The following RAD18 variants were observed in gnomAD, a reference collection of about 807,000 sequenced individuals.
RAD18 encodes E3 ubiquitin-protein ligase RAD18.
In RAD18, 47 loss-of-function variants were observed where a neutral mutation model predicts 60.4. The observed-to-expected ratio is 0.78, with a 90% CI of 0.62 to 0.99. RAD18 has a LOEUF of 0.99. Ranked by LOEUF, RAD18 falls within the 50% of genes least tolerant of loss-of-function variation. RAD18 has a pLI of 0.00. For synonymous variants in RAD18, 225 were observed against 195.5 expected, an observed-to-expected ratio of 1.15 and a Z score of -1.26; for missense variants, 640 against 593.3, an observed-to-expected ratio of 1.08 and a Z score of -0.82.
At chr3:8,928,717 A>T (rs648121) in intron 7 of RAD18, among the ~76,000 whole-genome samples, 105,141 of 152,062 alleles carry the variant, frequency 0.69, 36,895 homozygotes, top group Middle Eastern at 0.77. Flanking sequence ...AGTAAACAGA[A>T]TATCAGCAAG....
rs770692918 is a variant in RAD18, at chr3:8,941,521, C to T, written c.550G>A (p.Glu184Lys). 1 of 1,613,994 alleles carries T rather than the reference C, an allele frequency of 6.2e-7. No homozygotes were observed. Among genetic ancestry groups the T allele is most frequent in the Non-Finnish European group, 8.5e-7 (1 of 1,179,938 alleles). The change falls in exon 5 of 13, where the codon GAG becomes AAG. Residue 184 changes from glutamate to lysine, a missense_variant. By Grantham distance (56) the Glu-to-Lys change is moderately conservative. Coordinates refer to ENST00000264926, the MANE Select transcript of RAD18 (RefSeq NM_020165.4). Reference protein sequence around the residue: ...SVEEIAPDPSEAKRPEPPSTS... With the variant: ...SVEEIAPDPSKAKRPEPPSTS... The stretch of plus-strand genomic sequence containing the variant: ...GAGGGTGGCTCAGGACGCTTAGCCT[C>T]TGAGGGATCTGGAGCGATCTCTTCT...
At chr3:8,924,446 C>A (rs547376496) in intron 7 of RAD18, among the ~76,000 whole-genome samples, 98 of 143,280 alleles carry the variant, frequency 6.8e-4, no homozygotes, top group African/African-American at 2.5e-3. Flanking sequence ...GACTTAGACT[C>A]CCACACAATA....
intron 7 of RAD18, among the ~76,000 whole-genome samples, chr3:8,916,024 G>A (rs1189541789): frequency 2.0e-5 from 3 of 152,154 alleles, no homozygotes; most frequent in East Asian, 1.9e-4. Flanking sequence ...CCCACTGCAG[G>A]ATGGACATGA....
chr3:8,903,854 C>G (rs1430660852), intron 9 of RAD18, among the ~76,000 whole-genome samples: 2 of 152,154 alleles, frequency 1.3e-5, no homozygotes, highest in Non-Finnish European at 2.9e-5. Context: ...CTTGTTATCA[C>G]TTGGTTTCTT....
At chr3:8,955,925 G>C (rs1162628404) in intron 2 of RAD18, among the ~76,000 whole-genome samples, 3 of 152,092 alleles carry the variant, frequency 2.0e-5, no homozygotes, top group Non-Finnish European at 1.5e-5. Context: ...AGGTAGTACT[G>C]AATCCTATTT....
chr3:8,898,994 C>T lies in RAD18; in HGVS notation c.1222G>A (p.Asp408Asn). The T allele has an allele frequency of 1.2e-6, 2 of 1,608,530 alleles. No homozygotes were observed. Among genetic ancestry groups the T allele is most frequent in the Non-Finnish European group, 1.7e-6 (2 of 1,176,638 alleles). Residue 408 changes from aspartate to asparagine, a missense_variant, in exon 11 of 13, where the codon GAC (aspartate) becomes AAC (asparagine). Coordinates refer to ENST00000264926, the MANE Select transcript of RAD18 (RefSeq NM_020165.4). Reference sequence around the variant, plus strand: ...TCAGGTTCCAATTCCTCTGGGGAGTCCAGCTTTGATTGAGAAAAGTGGTTT... The same window carrying T: ...TCAGGTTCCAATTCCTCTGGGGAGTTCAGCTTTGATTGAGAAAAGTGGTTT... ...VTNHFSQSKL[D>N]SPEELEPDRE... is the part of the protein sequence containing the mutation.
At chr3:8,946,408 C>G (rs1230221101) in intron 4 of RAD18, among the ~76,000 whole-genome samples, 1 of 152,218 alleles carries the variant, frequency 6.6e-6, no homozygotes. Context: ...TGACACATTT[C>G]TCAGAACACA....
chr3:8,924,165 T>C, intron 7 of RAD18, among the ~76,000 whole-genome samples: 1 of 151,702 alleles, frequency 6.6e-6, no homozygotes, highest in African/African-American at 2.4e-5. Context: ...TTCAGGAAAC[T>C]CATCTCACAT....
At chr3:8,928,361 C>T (rs1159175966) in intron 7 of RAD18, among the ~76,000 whole-genome samples, 2 of 151,976 alleles carry the variant, frequency 1.3e-5, no homozygotes, top group Non-Finnish European at 2.9e-5. Context: ...ATAGTTTAAA[C>T]CCTACAATTT....
chr3:8,936,329 C>T (rs915055988), intron 6 of RAD18, among the ~76,000 whole-genome samples: 3 of 152,166 alleles, frequency 2.0e-5, no homozygotes, highest in African/African-American at 7.2e-5. Flanking sequence ...TAAAGAGGCA[C>T]ACTTAGAAGA....
intron 7 of RAD18, among the ~76,000 whole-genome samples, chr3:8,934,429 T>G (rs188290760): frequency 6.6e-6 from 1 of 152,256 alleles, no homozygotes; most frequent in African/African-American, 2.4e-5. Context: ...AACAGAAGAA[T>G]TGGACATAGA....
chr3:8,928,766 A>G (rs1219381651), intron 7 of RAD18, among the ~76,000 whole-genome samples: 1 of 152,204 alleles, frequency 6.6e-6, no homozygotes. Context: ...GTAAATTTAC[A>G]TAGCATTTAC....
At chr3:8,954,137 G>C (rs1195498387) in intron 2 of RAD18, among the ~76,000 whole-genome samples, 1 of 152,188 alleles carries the variant, frequency 6.6e-6, no homozygotes, top group Non-Finnish European at 1.5e-5. Flanking sequence ...TAGTTGGAGG[G>C]ATGTTATTCT....
intron 11 of RAD18, among the ~76,000 whole-genome samples, chr3:8,894,360 G>A: frequency 6.6e-6 from 1 of 152,164 alleles, no homozygotes; most frequent in East Asian, 1.9e-4. Flanking sequence ...CTTAACAAGA[G>A]ATGAAACCAA....
chr3:8,890,785 C>T (rs1467877759), intron 11 of RAD18, among the ~76,000 whole-genome samples: 1 of 152,142 alleles, frequency 6.6e-6, no homozygotes, highest in Non-Finnish European at 1.5e-5. Flanking sequence ...CACAAGACCC[C>T]AGCTCCTGCT....
At chr3:8,940,311 G>A (rs1483530367) in intron 5 of RAD18, among the ~76,000 whole-genome samples, 1 of 152,056 alleles carries the variant, frequency 6.6e-6, no homozygotes, top group South Asian at 2.1e-4. Flanking sequence ...TATTTTATAC[G>A]TTATGGTTTA....
At chr3:8,941,402 A>G (rs1940743623) in intron 5 of RAD18, 65 bp downstream of exon 5, 1 of 1,366,832 alleles carries the variant, frequency 7.3e-7, no homozygotes, top group South Asian at 1.4e-5. Context: ...GATGCTGCCT[A>G]TTTATTCTTA....
intron 7 of RAD18, among the ~76,000 whole-genome samples, chr3:8,935,165 A>C (rs1260107217): frequency 6.6e-6 from 1 of 152,254 alleles, no homozygotes; most frequent in Non-Finnish European, 1.5e-5. Context: ...ATAATTCACC[A>C]AACAATACAC....
intron 12 of RAD18, among the ~76,000 whole-genome samples, chr3:8,885,146 G>A (rs537596977): frequency 2.0e-5 from 3 of 152,158 alleles, no homozygotes; most frequent in Admixed American, 2.0e-4. Context: ...TTCCTTCTTG[G>A]TAGGCCCATA....
Sources: gnomAD v4.1 joint callset for allele counts (sites outside exome capture counted in the v4.1 genomes callset) on GRCh38, gnomAD v4.1.1 for gene constraint, MANE v1.5 for transcripts, NCBI Gene and HGNC (gene_info 2026-07-23, HGNC 2026-07-21) for gene names.